Variants in TELO2 observed in about 807,000 individuals in gnomAD.
TELO2 encodes the protein telomere length regulation protein TEL2 homolog.
Under a neutral mutation model 91.0 loss-of-function variants are expected in TELO2, and 71 were observed. The observed-to-expected ratio is 0.78, with a 90% CI of 0.64 to 0.95. TELO2 has a LOEUF of 0.95. Among genes scored for constraint, TELO2 ranks in the 40% least tolerant of loss-of-function variants. The probability of loss-of-function intolerance (pLI) is 0.00; values close to 1 mark genes in which losing one functional copy is unlikely to be tolerated. For synonymous variants in TELO2, 584 were observed against 518.9 expected (o/e 1.13, Z -1.71); for missense variants, 1,183 against 1,141.3 (o/e 1.04, Z -0.53).
intron 20 of TELO2, among the ~76,000 whole-genome samples, chr16:1,508,800 G>C (rs999902877): frequency 6.6e-6 from 1 of 152,170 alleles, no homozygotes; most frequent in Non-Finnish European, 1.5e-5. Context: ...CGATGGACAC[G>C]GGAAGGGCAG....
chr16:1,507,759 C>G, intron 20 of TELO2, 43 bp downstream of exon 20: 1 of 1,389,678 alleles, frequency 7.2e-7, no homozygotes, highest in Non-Finnish European at 9.5e-7. Context: ...GTGTGTCGGC[C>G]CGGGGTGTGT....
rs1225908452 is a variant in TELO2 at position 1,499,181 on chromosome 16, C to G, written c.831-50C>G. The G allele has an allele frequency of 3.8e-6, 6 of 1,598,936 alleles. No homozygotes were observed. The African/African-American group carries it at 4.0e-5, about 11-fold the overall frequency. ...CATCGGAGTTCACGCTCTCGCTCCT[C>G]CCTGTCTCCAGGCCGGCTTGCAGCT... On this transcript the variant is annotated intron_variant, in intron 5 of 20. Transcript: ENST00000262319.
In TELO2 at chr16:1,501,851, G is replaced by A. The variant is rs891563823; in HGVS notation, c.1472+78G>A. ...CCCTCACACTCCAAGCTGCGGCCCC[G>A]TGGGGGGCTCCCTGCCTGCTCCGTG... On this transcript the variant is annotated intron_variant, in intron 11 of 20. Transcript: ENST00000262319. 47 of 1,499,968 alleles carry A rather than the reference G, an allele frequency of 3.1e-5. 1 individual carries two copies. The highest frequency in any genetic ancestry group is 2.4e-4 in the South Asian group (21 of 87,150). 92.9% of individuals were successfully genotyped at this position (1,499,968 alleles called of 1,614,324 possible).
Position 1,505,747 on chromosome 16 carries a change from G to C in TELO2, c.2034+146G>C. ...CTTTGCCGGGATTCCTGAAAGGCAG[G>C]GTCCATGGTTTGCACCGAGGAACTG... On this transcript the variant is annotated intron_variant, in intron 16 of 20. Coordinates refer to ENST00000262319, the MANE Select transcript of TELO2 (RefSeq NM_016111.4). The surrounding 1 kb of genome is among the most constrained non-coding windows in gnomAD (Gnocchi z 4.3). 1 of 1,145,916 alleles carries C rather than the reference G, an allele frequency of 8.7e-7. No homozygotes were observed. Among genetic ancestry groups the C allele is most frequent in the Non-Finnish European group, 1.2e-6 (1 of 828,304 alleles). 71.0% of individuals were successfully genotyped at this position (1,145,916 alleles called of 1,614,324 possible).
rs1056268994 is a variant in TELO2 at position 1,500,799 on chromosome 16, G to C, written c.1281+100G>C. ...GGTCACCGCCTCTTCCCGGGGTCCAGACTTGCGGAGCGTCCGTGTGGACTT... is the reference window on the plus strand; with the variant it reads ...GGTCACCGCCTCTTCCCGGGGTCCACACTTGCGGAGCGTCCGTGTGGACTT... On this transcript the variant is annotated intron_variant, in intron 9 of 20. Transcript: ENST00000262319. 3 of 1,509,300 alleles carry C rather than the reference G, an allele frequency of 2.0e-6. No homozygotes were observed. The African/African-American group carries it at 4.1e-5, about 21-fold the overall frequency. 93.5% of individuals were successfully genotyped at this position (1,509,300 alleles called of 1,614,324 possible).
rs554969175 is a variant in TELO2 at position 1,495,435 on chromosome 16, G to A, written c.425G>A (p.Arg142Gln). Residue 142 changes from arginine to glutamine, a missense_variant, in exon 3 of 21, where the codon CGG becomes CAG. By Grantham distance (43) the Arg-to-Gln change is conservative (BLOSUM62 1). Coordinates refer to ENST00000262319, the MANE Select transcript of TELO2 (RefSeq NM_016111.4). ...GCAGTGCTGATGGAGGCGCAGTGTC[G>A]GCAGCAGACGCAGCCCGGCTTCATC... ...RLAVLMEAQC[R>Q]QQTQPGFILL... The A allele has an allele frequency of 3.1e-6, 5 of 1,601,394 alleles. No homozygotes were observed. The highest frequency in any genetic ancestry group is 4.5e-5 in the East Asian group (2 of 44,058).
At position 1,495,737 on chromosome 16, in the gene TELO2, G is replaced by A. The variant is rs557762663; in HGVS notation, c.613+114G>A. The A allele has an allele frequency of 2.2e-5, 31 of 1,399,720 alleles. No homozygotes were observed. In the African/African-American group the frequency reaches 2.9e-4, roughly 13 times the overall value. 86.7% of individuals were successfully genotyped at this position (1,399,720 alleles called of 1,614,324 possible). A position where few individuals can be genotyped will look rare whatever the true frequency, so the allele number is the denominator to read the frequency against. On this transcript the variant is annotated intron_variant, in intron 3 of 20. Coordinates refer to ENST00000262319, the MANE Select transcript of TELO2 (RefSeq NM_016111.4). ...GACTTTGGAGTCTCTGGTTGATGCC[G>A]TCAGGCAGGTGGGGATGTCCCTGTC...
intron 18 of TELO2, 96 bp from the exon 19 acceptor site, chr16:1,507,210 G>A (rs2141069700): frequency 6.5e-7 from 1 of 1,540,018 alleles, no homozygotes; most frequent in Non-Finnish European, 8.8e-7. Context: ...GGCAGGCCCT[G>A]TCCCTGCTGC....
At position 1,507,908 on chromosome 16, in the gene TELO2, C is replaced by CA. The variant is rs1163507622; in HGVS notation, c.2407+192_2407+193insA. On this transcript the variant is annotated intron_variant, in intron 20 of 20. Transcript: ENST00000262319. ...TGTGTGTGTGTGATGTGTGTCGGCC[C>CA]GGGGTGTGTGTGTGTGTGTGGGTGT... 3.5e-4 allele frequency among the ~76,000 whole-genome samples: 43 copies of CA among 122,020 alleles called. 1 individual carries two copies. Among genetic ancestry groups the CA allele is most frequent in the Middle Eastern group, 4.4e-3 (1 of 226 alleles). 80.0% of individuals were successfully genotyped at this position (122,020 alleles called of 152,430 possible).
At chr16:1,501,384 C>T (rs1354857308) in intron 9 of TELO2, 36 bp from the exon 10 acceptor site, 1 of 1,601,902 alleles carries the variant, frequency 6.2e-7, no homozygotes, top group Non-Finnish European at 8.5e-7. Context: ...GCGCTGCAGC[C>T]TGGCGGATGC....
At chr16:1,504,857 C>T (rs1358631608) in intron 15 of TELO2, among the ~76,000 whole-genome samples, 2 of 150,368 alleles carry the variant, frequency 1.3e-5, no homozygotes, top group African/African-American at 2.5e-5. Flanking sequence ...TCGGAACATC[C>T]ACAGTGTCAC....
chr16:1,495,779 G>A (rs566285981), intron 3 of TELO2, among the ~76,000 whole-genome samples, 156 bp downstream of exon 3: 78 of 152,376 alleles, frequency 5.1e-4, no homozygotes, highest in Middle Eastern at 6.8e-3. Context: ...AGTAGTGACC[G>A]GCAGGGCTCA....
intron 19 of TELO2, 67 bp downstream of exon 19, chr16:1,507,437 C>A (rs2039938470): frequency 1.9e-6 from 3 of 1,580,556 alleles, no homozygotes; most frequent in Non-Finnish European, 2.6e-6. Flanking sequence ...ATTGTGGGGG[C>A]CCCGTGGAGC....
At position 1,501,647 on chromosome 16, in the gene TELO2, C is replaced by G. The variant is rs1203702290; in HGVS notation, c.1362-16C>G. The G allele has an allele frequency of 1.9e-6, 3 of 1,598,416 alleles. No individual in the cohort carries two copies. Among genetic ancestry groups the G allele is most frequent in the Non-Finnish European group, 2.6e-6 (3 of 1,172,632 alleles). On this transcript the variant is annotated splice_polypyrimidine_tract_variant and intron_variant, in intron 10 of 20. Coordinates refer to ENST00000262319, the MANE Select transcript of TELO2 (RefSeq NM_016111.4). ...GAGGGGCCCCTAAAGGATTTTTGTTCCTTGTTTCCTTAAAGCACGTCCCTC... is the reference window on the plus strand; with the variant it reads ...GAGGGGCCCCTAAAGGATTTTTGTTGCTTGTTTCCTTAAAGCACGTCCCTC...
At chr16:1,499,999 T>C in intron 6 of TELO2, 97 bp from the exon 7 acceptor site, 1 of 1,395,532 alleles carries the variant, frequency 7.2e-7, no homozygotes, top group Non-Finnish European at 9.7e-7. Flanking sequence ...CTGCCCTCAG[T>C]CTGGTCCCAG....
At chr16:1,499,400 G>A in intron 6 of TELO2, 67 bp downstream of exon 6, 1 of 1,560,680 alleles carries the variant, frequency 6.4e-7, no homozygotes, top group African/African-American at 1.4e-5. Flanking sequence ...TGCAAAACAT[G>A]GGGTCGGAGC....
At chr16:1,508,604 G>A (rs1181025263) in intron 20 of TELO2, among the ~76,000 whole-genome samples, 2 of 152,178 alleles carry the variant, frequency 1.3e-5, no homozygotes, top group South Asian at 2.1e-4. Flanking sequence ...GGGGGCGCTG[G>A]GGGATGCTTT....
intron 20 of TELO2, among the ~76,000 whole-genome samples, chr16:1,509,295 C>A (rs951983787): frequency 6.6e-6 from 1 of 152,172 alleles, no homozygotes; most frequent in African/African-American, 2.4e-5. Flanking sequence ...CCTCACCCTG[C>A]GATTCTAGCC....
chr16:1,500,715 C>G lies in TELO2; in HGVS notation c.1281+16C>G. The stretch of plus-strand genomic sequence containing the variant: ...GAAATTCCAGGTGAGCGGGCCGTCC[C>G]CTCCGCGTCCCCGTGTGGCTGGCCC... On this transcript the variant is annotated intron_variant, in intron 9 of 20. Coordinates refer to ENST00000262319, the MANE Select transcript of TELO2 (RefSeq NM_016111.4). 2 of 1,611,100 alleles carry G rather than the reference C, an allele frequency of 1.2e-6. No individual in the cohort carries two copies. The highest frequency in any genetic ancestry group is 2.2e-5 in the East Asian group (1 of 44,856).
Sources: gnomAD v4.1 joint callset for allele counts (sites outside exome capture counted in the v4.1 genomes callset) on GRCh38, gnomAD v4.1.1 for gene constraint, Gnocchi (gnomAD v3.1) non-coding constraint, MANE v1.5 for transcripts, NCBI Gene and HGNC (gene_info 2026-07-23, HGNC 2026-07-21) for gene names.